Variants in TNS3 observed in about 807,000 individuals in gnomAD.
The protein encoded by TNS3 is tensin-3.
A neutral mutation model predicts 140.9 loss-of-function variants in TNS3; 45 were observed. The observed-to-expected ratio is 0.32, with a 90% CI of 0.25 to 0.41. TNS3 has a LOEUF of 0.41. Among genes scored for constraint, TNS3 ranks in the 10% least tolerant of loss-of-function variants. TNS3 has a pLI of 1.00. For missense variants in TNS3, 1,716 were observed against 1,906.7 expected (o/e 0.90, Z 1.86); for synonymous variants, 815 against 788.4 (o/e 1.03, Z -0.56).
intron 2 of TNS3, among the ~76,000 whole-genome samples, chr7:47,528,605 T>G (rs1487967888): frequency 6.6e-6 from 1 of 152,140 alleles, no homozygotes; most frequent in East Asian, 1.9e-4. Context: ...CGTCTAAATA[T>G]CTGGTACCCA....
intron 8 of TNS3, among the ~76,000 whole-genome samples, chr7:47,430,158 C>T (rs183237498): frequency 8.4e-5 from 12 of 143,284 alleles, no homozygotes; most frequent in Admixed American, 5.1e-4. Context: ...GACAGAGTTT[C>T]GCTCTTGTTG....
intron 1 of TNS3, among the ~76,000 whole-genome samples, chr7:47,559,848 A>T (rs1403302359): frequency 3.3e-5 from 5 of 152,178 alleles, no homozygotes; most frequent in Admixed American, 1.3e-4. Context: ...AGGACAAGGA[A>T]ACCCTGGCCT....
chr7:47,300,642 C>A (rs975065565), intron 23 of TNS3, among the ~76,000 whole-genome samples: 1 of 152,244 alleles, frequency 6.6e-6, no homozygotes, highest in Non-Finnish European at 1.5e-5. Context: ...GGGCATCCAG[C>A]CCCACACATC....
chr7:47,552,100 C>T (rs1037399974), intron 1 of TNS3, among the ~76,000 whole-genome samples: 4 of 150,298 alleles, frequency 2.7e-5, no homozygotes, highest in African/African-American at 1.0e-4. Context: ...TTCTGGCACA[C>T]CTAATTCATT....
At chr7:47,304,470 G>A (rs529529778) in intron 21 of TNS3, among the ~76,000 whole-genome samples, 93 of 152,258 alleles carry the variant, frequency 6.1e-4, no homozygotes, top group African/African-American at 1.4e-3. Flanking sequence ...ATGGTCTCAC[G>A]TATGAATGTC....
At chr7:47,494,362 C>T (rs1797922473) in intron 3 of TNS3, among the ~76,000 whole-genome samples, 1 of 149,410 alleles carries the variant, frequency 6.7e-6, no homozygotes. Flanking sequence ...GTTCAATCGA[C>T]TCCCCTCCAA....
At chr7:47,299,079 T>C (rs543241116) in intron 23 of TNS3, among the ~76,000 whole-genome samples, 24 of 152,358 alleles carry the variant, frequency 1.6e-4, no homozygotes, top group African/African-American at 5.5e-4. Flanking sequence ...GGTGCACGTT[T>C]TCTCACAGCG....
At chr7:47,409,832 T>C (rs1305885785) in intron 13 of TNS3, among the ~76,000 whole-genome samples, 1 of 152,154 alleles carries the variant, frequency 6.6e-6, no homozygotes, top group Non-Finnish European at 1.5e-5. Flanking sequence ...TTATTTTTTG[T>C]ATTTTTAGTA....
intron 20 of TNS3, among the ~76,000 whole-genome samples, chr7:47,339,372 A>C (rs774327174): frequency 6.6e-6 from 1 of 152,136 alleles, no homozygotes; most frequent in Non-Finnish European, 1.5e-5. Flanking sequence ...TTTTTGTATA[A>C]AGTGTGAGCC....
chr7:47,408,374 TGTC>T (rs1282358093), intron 13 of TNS3, among the ~76,000 whole-genome samples: 1 of 151,946 alleles, frequency 6.6e-6, no homozygotes, highest in Non-Finnish European at 1.5e-5. Context: ...ATGCATGTAA[TGTC>T]TACTCAGACC....
At position 47,307,604 on chromosome 7, in the gene TNS3, C is replaced by A. The variant is rs1337065592; in HGVS notation, c.2651-2601G>T. Among the ~76,000 whole-genome samples the A allele has an allele frequency of 2.6e-5, 4 of 152,226 alleles. No homozygotes were observed. The East Asian group carries it at 7.7e-4, about 29-fold the overall frequency. ...ATCCCCACCATCAATCCTGCCCCTA[C>A]TTGGTATGGTTGGCATTTCGAATTT... On this transcript the variant is annotated intron_variant, in intron 20 of 30. Coordinates refer to ENST00000311160, the MANE Select transcript of TNS3 (RefSeq NM_022748.12).
At chr7:47,569,575 G>A (rs947229220) in intron 1 of TNS3, among the ~76,000 whole-genome samples, 4 of 148,898 alleles carry the variant, frequency 2.7e-5, no homozygotes, top group Non-Finnish European at 4.5e-5. Flanking sequence ...ACACAGGGAC[G>A]GGGCGTGGTG....
chr7:47,541,451 C>T (rs941305007), intron 1 of TNS3, among the ~76,000 whole-genome samples: 1 of 152,124 alleles, frequency 6.6e-6, no homozygotes, highest in Admixed American at 6.5e-5. Context: ...CCCAATGAGC[C>T]TGAAATCTCT....
At chr7:47,384,434 C>T (rs1413288626) in intron 16 of TNS3, among the ~76,000 whole-genome samples, 1 of 152,266 alleles carries the variant, frequency 6.6e-6, no homozygotes, top group Non-Finnish European at 1.5e-5. Flanking sequence ...ATCCCCCAAA[C>T]GTCCATGCCT....
At chr7:47,503,346 G>A (rs1481424226) in intron 3 of TNS3, among the ~76,000 whole-genome samples, 2 of 151,734 alleles carry the variant, frequency 1.3e-5, no homozygotes, top group Non-Finnish European at 2.9e-5. Context: ...CCTTCAGGGG[G>A]GCACCACCTG....
At position 47,370,455 on chromosome 7, in the gene TNS3, C is replaced by A. The variant is rs562066458; in HGVS notation, c.1025-834G>T. Among the ~76,000 whole-genome samples, 10 of 152,282 alleles carry A rather than the reference C, an allele frequency of 6.6e-5. No individual in the cohort carries two copies. The South Asian group carries it at 1.9e-3, about 28-fold the overall frequency. ...CAGACACTTGAGGCTGACCTGCATG[C>A]GCTGATTTCCATACATGGAATGTCA... is the stretch of plus-strand genomic sequence containing the variant. On this transcript the variant is annotated intron_variant, in intron 16 of 30. Transcript: ENST00000311160.
rs372376756 is a variant in TNS3 at position 47,396,903 on chromosome 7, C to T, written c.921G>A (p.Gly307=). 4 of 1,612,352 alleles carry T rather than the reference C, an allele frequency of 2.5e-6. No homozygotes were observed. Among genetic ancestry groups the T allele is most frequent in the Middle Eastern group, 1.7e-4 (1 of 6,052 alleles). The change falls in exon 16 of 31, where the codon GGG becomes GGA. Residue 307 remains glycine (G), a splice_region_variant and synonymous_variant. Coordinates refer to ENST00000311160, the MANE Select transcript of TNS3 (RefSeq NM_022748.12). ...CGTGGTCGTTGTACAAGTGTTCGGA[C>T]CCTGCACAGAGCACAGGCAGCAACA... is the stretch of plus-strand genomic sequence containing the variant. ...VFSATPEKIQ[G]SEHLYNDHGV...
chr7:47,474,943 A>G (rs1797128977), intron 4 of TNS3, among the ~76,000 whole-genome samples: 1 of 151,358 alleles, frequency 6.6e-6, no homozygotes, highest in Non-Finnish European at 1.5e-5. Flanking sequence ...CACCTCACAC[A>G]ATACAACACA....
rs1562675087 is a variant in TNS3, at chr7:47,389,071, A to AGTG, written c.1024+7728_1024+7729insCAC. 2.4e-4 allele frequency among the ~76,000 whole-genome samples: 12 copies of AGTG among 50,110 alleles called. 3 individuals are homozygous for AGTG. Among genetic ancestry groups the AGTG allele is most frequent in the Middle Eastern group, 6.3e-3 (1 of 158 alleles). The allele number at this position is 50,110 out of a possible 152,430, so 32.9% of individuals were successfully genotyped here. On this transcript the variant is annotated intron_variant, in intron 16 of 30. Coordinates refer to ENST00000311160, the MANE Select transcript of TNS3 (RefSeq NM_022748.12). ...AAGAAGAAGAAGAAGAAGAAGAAGA[A>AGTG]GAAGAAGAAGAAGAGGAAGAGGAAG... is the stretch of plus-strand genomic sequence containing the variant.
Sources: gnomAD v4.1 joint callset for allele counts (sites outside exome capture counted in the v4.1 genomes callset) on GRCh38, gnomAD v4.1.1 for gene constraint, MANE v1.5 for transcripts, NCBI Gene and HGNC (gene_info 2026-07-23, HGNC 2026-07-21) for gene names.